The following LHFPL3 variants were observed in gnomAD, a reference collection of about 807,000 sequenced individuals.
The protein encoded by LHFPL3 is LHFPL tetraspan subfamily member 3.
Under a neutral mutation model 19.3 loss-of-function variants are expected in LHFPL3, and 5 were observed. The ratio of observed to expected loss-of-function variants is 0.26; its 90% CI spans 0.14 to 0.54. The LOEUF (loss-of-function observed/expected upper bound fraction) is 0.54, where lower values mean the gene tolerates loss of function less well. LHFPL3 is among the 20% of genes least tolerant of loss of function. LHFPL3 has a pLI of 0.94. For missense variants in LHFPL3, 249 were observed against 307.4 expected, an observed-to-expected ratio of 0.81 and a Z score of 1.42; for synonymous variants, 133 against 126.2, an observed-to-expected ratio of 1.05 and a Z score of -0.36.
chr7:104,861,669 GAA>G (rs1405974185), intron 2 of LHFPL3, among the ~76,000 whole-genome samples: 1 of 152,150 alleles, frequency 6.6e-6, no homozygotes, highest in African/African-American at 2.4e-5. Context: ...CAACCTGGGT[GAA>G]AGTGATTCTT....
At chr7:104,478,005 T>G (rs1327279310) in intron 1 of LHFPL3, among the ~76,000 whole-genome samples, 3 of 152,190 alleles carry the variant, frequency 2.0e-5, no homozygotes, top group Admixed American at 1.3e-4. Context: ...CCCAAAGTGC[T>G]CTCTGTATTT....
intron 1 of LHFPL3, among the ~76,000 whole-genome samples, chr7:104,422,976 AC>A: frequency 6.6e-6 from 1 of 152,286 alleles, no homozygotes; most frequent in South Asian, 2.1e-4. Context: ...AATTATTGAG[AC>A]CCCTACAATG....
At chr7:104,796,031 A>G (rs1790118340) in intron 2 of LHFPL3, among the ~76,000 whole-genome samples, 1 of 152,110 alleles carries the variant, frequency 6.6e-6, no homozygotes. Context: ...TTGCTGTAAC[A>G]AGTGCTGTAG....
chr7:104,776,345 C>T (rs1398295150), intron 2 of LHFPL3, among the ~76,000 whole-genome samples: 1 of 152,240 alleles, frequency 6.6e-6, no homozygotes, highest in Non-Finnish European at 1.5e-5. Flanking sequence ...TCCCCATCCC[C>T]ACCTGCATAC....
In LHFPL3 at chr7:104,485,915, C is replaced by A. The variant is rs535612662; in HGVS notation, c.445+156691C>A. Among the ~76,000 whole-genome samples, 9 of 152,098 alleles carry A rather than the reference C, an allele frequency of 5.9e-5. No individual in the cohort carries two copies. In the East Asian group the frequency reaches 9.6e-4, roughly 16 times the overall value. ...TTGTGTCTATCACTTTTTTAAAAAT[C>A]AAAAATGTTTTTGTTTGTTTATGTT... On this transcript the variant is annotated intron_variant, in intron 1 of 2. Coordinates refer to ENST00000424859, the MANE Select transcript of LHFPL3 (RefSeq NM_199000.3).
At chr7:104,893,521 CA>C (rs796270380) in intron 2 of LHFPL3, among the ~76,000 whole-genome samples, 107 of 144,242 alleles carry the variant, frequency 7.4e-4, no homozygotes, top group African/African-American at 2.3e-3. Context: ...GGCTCCATCT[CA>C]AAAAAAAAAA....
At chr7:104,843,858 A>G (rs1222278744) in intron 2 of LHFPL3, among the ~76,000 whole-genome samples, 1 of 152,218 alleles carries the variant, frequency 6.6e-6, no homozygotes, top group Non-Finnish European at 1.5e-5. Context: ...TCTGAGTTTC[A>G]TGGAATGCTA....
intron 1 of LHFPL3, among the ~76,000 whole-genome samples, chr7:104,398,968 G>T (rs1404964921): frequency 6.6e-6 from 1 of 152,168 alleles, no homozygotes; most frequent in Non-Finnish European, 1.5e-5. Context: ...TGGAGGGCAG[G>T]GGTTAGGTTC....
At chr7:104,670,812 C>A (rs1792463245) in intron 1 of LHFPL3, among the ~76,000 whole-genome samples, 1 of 151,818 alleles carries the variant, frequency 6.6e-6, no homozygotes, top group Non-Finnish European at 1.5e-5. Flanking sequence ...CACTGAAATG[C>A]CACACTAATG....
chr7:104,351,035 CTCT>C (rs1235091175), intron 1 of LHFPL3, among the ~76,000 whole-genome samples: 2 of 131,668 alleles, frequency 1.5e-5, no homozygotes, highest in Non-Finnish European at 3.2e-5. Context: ...GCAAGACTCC[CTCT>C]AAAAAAAAAA....
chr7:104,614,653 C>CCTCTCCTCTCCTTCCT (rs1791284308), intron 1 of LHFPL3, among the ~76,000 whole-genome samples: 1 of 51,436 alleles, frequency 1.9e-5, no homozygotes, highest in African/African-American at 6.0e-5. Context: ...CTTCTCTTCT[C>CCTCTCCTCTCCTTCCT]TCCTTCCTTC....
At chr7:104,813,057 T>A (rs1013582203) in intron 2 of LHFPL3, among the ~76,000 whole-genome samples, 1 of 151,794 alleles carries the variant, frequency 6.6e-6, no homozygotes, top group African/African-American at 2.4e-5. Context: ...GAGGTTGCAG[T>A]GAGCCGAGAT....
At chr7:104,849,369 C>A (rs1259048133) in intron 2 of LHFPL3, among the ~76,000 whole-genome samples, 1 of 152,162 alleles carries the variant, frequency 6.6e-6, no homozygotes, top group Non-Finnish European at 1.5e-5. Flanking sequence ...TCTGAAGAAC[C>A]AGCCAACAGA....
In LHFPL3 at chr7:104,328,946, T is replaced by C. The variant is rs775251610; in HGVS notation, c.167T>C (p.Ile56Thr). Residue 56 changes from isoleucine to threonine, a missense_variant, in exon 1 of 3, where the codon ATC becomes ACC. Coordinates refer to ENST00000424859, the MANE Select transcript of LHFPL3 (RefSeq NM_199000.3). The surrounding 1 kb of genome is among the most constrained non-coding windows in gnomAD (Gnocchi z 4.6). ...GCCATCGTCAACGTGGTGTGCTTCA[T>C]CCAGCCCTACTGGATAGGCGACGGC... Reference protein sequence around the residue: ...CFAIVNVVCFIQPYWIGDGVD... With the variant: ...CFAIVNVVCFTQPYWIGDGVD... The C allele has an allele frequency of 1.2e-6, 2 of 1,614,210 alleles. No individual in the cohort carries two copies. The highest frequency in any genetic ancestry group is 1.7e-6 in the Non-Finnish European group (2 of 1,180,042).
chr7:104,581,293 C>T (rs1466483511), intron 1 of LHFPL3, among the ~76,000 whole-genome samples: 1 of 152,058 alleles, frequency 6.6e-6, no homozygotes, highest in African/African-American at 2.4e-5. Flanking sequence ...AGCACTTTTT[C>T]ATGTGCTTAT....
At chr7:104,566,802 G>T in intron 1 of LHFPL3, among the ~76,000 whole-genome samples, 1 of 152,166 alleles carries the variant, frequency 6.6e-6, no homozygotes, top group East Asian at 1.9e-4. Flanking sequence ...TCATTTCTCT[G>T]TTTATTCAAG....
At chr7:104,524,765 C>T (rs560241169) in intron 1 of LHFPL3, among the ~76,000 whole-genome samples, 1 of 152,224 alleles carries the variant, frequency 6.6e-6, no homozygotes, top group East Asian at 1.9e-4. Context: ...TGTATTTGAC[C>T]CACAGTCCCT....
chr7:104,475,115 A>G (rs1016058069), intron 1 of LHFPL3, among the ~76,000 whole-genome samples: 2 of 152,220 alleles, frequency 1.3e-5, no homozygotes, highest in African/African-American at 4.8e-5. Context: ...TATTTAAAAC[A>G]CCGCTTGTAA....
intron 1 of LHFPL3, among the ~76,000 whole-genome samples, chr7:104,486,000 G>T (rs942428974): frequency 6.6e-6 from 1 of 152,164 alleles, no homozygotes; most frequent in Admixed American, 6.5e-5. Context: ...TCCTTTCAGG[G>T]AAGATCATTT....
Sources: allele counts gnomAD v4.1 joint callset (sites outside exome capture counted in the v4.1 genomes callset), GRCh38; gene constraint gnomAD v4.1.1; non-coding constraint Gnocchi (gnomAD v3.1); transcripts MANE v1.5; gene names NCBI Gene and HGNC (gene_info 2026-07-23, HGNC 2026-07-21).